Variants in SEMA3C observed in about 807,000 individuals in gnomAD.
SEMA3C encodes semaphorin-3C.
SEMA3C carries 47 observed loss-of-function variants against 89.4 expected under a neutral mutation model. The ratio of observed to expected loss-of-function variants is 0.53; its 90% CI spans 0.42 to 0.67. The LOEUF is 0.67. Among genes scored for constraint, SEMA3C ranks in the 30% least tolerant of loss-of-function variants. The pLI is 0.00. For synonymous variants in SEMA3C, 310 were observed against 320.2 expected, an observed-to-expected ratio of 0.97 and a Z score of 0.34; for missense variants, 839 against 929.1, an observed-to-expected ratio of 0.90 and a Z score of 1.26.
intron 13 of SEMA3C, among the ~76,000 whole-genome samples, chr7:80,763,818 T>C (rs1425083384): frequency 1.3e-5 from 2 of 152,148 alleles, no homozygotes; most frequent in Non-Finnish European, 1.5e-5. Flanking sequence ...ATATGTTCTA[T>C]ATAATGTGAT....
chr7:80,910,886 T>C (rs565984929), intron 2 of SEMA3C, among the ~76,000 whole-genome samples: 19 of 152,158 alleles, frequency 1.2e-4, no homozygotes, highest in South Asian at 2.1e-4. Flanking sequence ...CAGTGCAAGG[T>C]ATAGTGAATT....
intron 2 of SEMA3C, among the ~76,000 whole-genome samples, chr7:80,856,670 G>GA (rs1028975957): frequency 3.1e-4 from 46 of 150,126 alleles, no homozygotes; most frequent in Middle Eastern, 3.3e-3. Flanking sequence ...CTCTTTTCTG[G>GA]AAAAAAAATG....
At chr7:80,879,635 A>G (rs1791287533) in intron 2 of SEMA3C, among the ~76,000 whole-genome samples, 1 of 152,206 alleles carries the variant, frequency 6.6e-6, no homozygotes, top group Admixed American at 6.5e-5. Context: ...GCCTGCAGCT[A>G]TATATTTAGT....
At chr7:80,828,795 T>A (rs1450055386) in intron 2 of SEMA3C, 50 bp from the exon 3 acceptor site, 1 of 1,324,596 alleles carries the variant, frequency 7.5e-7, no homozygotes, top group African/African-American at 1.5e-5. Flanking sequence ...GGTTCTATAA[T>A]TCTATTATTT....
intron 12 of SEMA3C, among the ~76,000 whole-genome samples, chr7:80,783,117 A>G (rs962368250): frequency 2.6e-5 from 4 of 152,180 alleles, no homozygotes; most frequent in Admixed American, 2.0e-4. Flanking sequence ...TCTGAAGAGT[A>G]GCTTAAAGAA....
intron 15 of SEMA3C, among the ~76,000 whole-genome samples, chr7:80,757,802 A>G (rs1788097783): frequency 6.6e-6 from 1 of 152,078 alleles, no homozygotes; most frequent in Non-Finnish European, 1.5e-5. Context: ...AACCCCATCT[A>G]CTAAAAATAC....
Position 80,916,809 on chromosome 7 carries a change from A to C in SEMA3C, c.-28T>G. The C allele has an allele frequency of 6.2e-7, 1 of 1,612,098 alleles. No individual in the cohort carries two copies. Among genetic ancestry groups the C allele is most frequent in the South Asian group, 1.1e-5 (1 of 90,782 alleles). On this transcript the variant is annotated 5_prime_UTR_variant, in exon 2 of 18. Transcript: ENST00000265361. ...CTTCAGATATGCAAGTTAATATCCA[A>C]GGGAAAATACCTTTAAGAGAGAGAC...
At chr7:80,775,238 T>A (rs1399855696) in intron 12 of SEMA3C, among the ~76,000 whole-genome samples, 1 of 152,092 alleles carries the variant, frequency 6.6e-6, no homozygotes, top group Non-Finnish European at 1.5e-5. Flanking sequence ...TGGTACAAAA[T>A]GGAAACTCCA....
chr7:80,754,957 G>GTTTTTTTTTTGTTTTGTTTTGT (rs1449995090), intron 15 of SEMA3C, among the ~76,000 whole-genome samples: 1 of 108,368 alleles, frequency 9.2e-6, no homozygotes, highest in Non-Finnish European at 1.9e-5. Context: ...GTTTTTTTTT[G>GTTTTTTTTTTGTTTTGTTTTGT]TTTTTTTTTT....
rs1449995090 is a variant in SEMA3C, at chr7:80,754,957, G to GTTTTTTTTTTGTTTTTGTTTTT, written c.1643+3373_1643+3374insAAAAACAAAAACAAAAAAAAAA. Among the ~76,000 whole-genome samples, 7 of 108,366 alleles carry GTTTTTTTTTTGTTTTTGTTTTT rather than the reference G, an allele frequency of 6.5e-5. 1 individual carries two copies. Among genetic ancestry groups the GTTTTTTTTTTGTTTTTGTTTTT allele is most frequent in the South Asian group, 6.6e-4 (2 of 3,048 alleles). The allele number at this position is 108,366 out of a possible 152,430, so 71.1% of individuals were successfully genotyped here. ...CATGCCTGGCGAATTGTTTTTTTTT[G>GTTTTTTTTTTGTTTTTGTTTTT]TTTTTTTTTTTTTTGTATTTTTAGT... On this transcript the variant is annotated intron_variant, in intron 15 of 17. Coordinates refer to ENST00000265361, the MANE Select transcript of SEMA3C (RefSeq NM_006379.5).
chr7:80,831,832 C>T (rs1790014966), intron 2 of SEMA3C, among the ~76,000 whole-genome samples: 1 of 152,002 alleles, frequency 6.6e-6, no homozygotes, highest in Non-Finnish European at 1.5e-5. Flanking sequence ...GCGTAAATTC[C>T]CCTTAACATT....
At chr7:80,776,893 C>T (rs1467487154) in intron 12 of SEMA3C, among the ~76,000 whole-genome samples, 4 of 151,964 alleles carry the variant, frequency 2.6e-5, no homozygotes, top group Non-Finnish European at 4.4e-5. Context: ...TTCTAGTGAA[C>T]AGAACAGTAT....
rs746451567 is a variant in SEMA3C at position 80,754,948 on chromosome 7, T to TTTTTTTTTTG, written c.1643+3382_1643+3383insCAAAAAAAAA. On this transcript the variant is annotated intron_variant, in intron 15 of 17. Transcript: ENST00000265361. ...GCCTGCCACCATGCCTGGCGAATTG[T>TTTTTTTTTTG]TTTTTTTTGTTTTTTTTTTTTTTGT... Among the ~76,000 whole-genome samples the TTTTTTTTTTG allele has an allele frequency of 7.7e-3, 211 of 27,372 alleles. 3 individuals are homozygous for TTTTTTTTTTG. Among genetic ancestry groups the TTTTTTTTTTG allele is most frequent in the African/African-American group, 0.032 (193 of 6,034 alleles). The allele number at this position is 27,372 out of a possible 152,430, so 18.0% of individuals were successfully genotyped here.
At chr7:80,787,418 TG>T (rs1422279091) in intron 12 of SEMA3C, among the ~76,000 whole-genome samples, 6 of 97,286 alleles carry the variant, frequency 6.2e-5, no homozygotes, top group African/African-American at 2.4e-4. Context: ...AAAAAAAAGG[TG>T]GGGGACAATA....
chr7:80,906,588 A>G (rs1318108591), intron 2 of SEMA3C, among the ~76,000 whole-genome samples: 1 of 152,200 alleles, frequency 6.6e-6, no homozygotes, highest in Non-Finnish European at 1.5e-5. Context: ...CAAGAGATCA[A>G]TTGCTAGATA....
At position 80,891,202 on chromosome 7, in the gene SEMA3C, G is replaced by T. The variant is rs372701170; in HGVS notation, c.103+25477C>A. Among the ~76,000 whole-genome samples, 7 of 152,200 alleles carry T rather than the reference G, an allele frequency of 4.6e-5. No individual in the cohort carries two copies. In the South Asian group the frequency reaches 1.0e-3, roughly 23 times the overall value. ...TTTTGTGATATTTGGTTAATTTACT[G>T]ATTGTCCATAAGTGAAACAGAAGGA... On this transcript the variant is annotated intron_variant, in intron 2 of 17. Transcript: ENST00000265361.
intron 2 of SEMA3C, among the ~76,000 whole-genome samples, chr7:80,876,671 T>G (rs1791211081): frequency 6.6e-6 from 1 of 152,250 alleles, no homozygotes; most frequent in South Asian, 2.1e-4. Flanking sequence ...TTTCTCATCA[T>G]TAAAATATTT....
intron 15 of SEMA3C, among the ~76,000 whole-genome samples, chr7:80,751,817 C>T (rs564538646): frequency 2.6e-5 from 4 of 152,190 alleles, no homozygotes; most frequent in African/African-American, 9.6e-5. Context: ...CTGAAACAAG[C>T]AATAGAGATA....
chr7:80,808,861 G>A (rs1266444494), intron 6 of SEMA3C, among the ~76,000 whole-genome samples: 1 of 152,014 alleles, frequency 6.6e-6, no homozygotes, highest in East Asian at 1.9e-4. Context: ...CACAACCTCT[G>A]CCTCCCAGGT....
Sources: gnomAD v4.1 joint callset for allele counts (sites outside exome capture counted in the v4.1 genomes callset) on GRCh38, gnomAD v4.1.1 for gene constraint, MANE v1.5 for transcripts, NCBI Gene and HGNC (gene_info 2026-07-23, HGNC 2026-07-21) for gene names.